The following PLXNA4 variants were observed in gnomAD, a reference collection of about 807,000 sequenced individuals.
PLXNA4 encodes the protein plexin A4.
PLXNA4 carries 44 observed loss-of-function variants against 191.8 expected under a neutral mutation model. The observed-to-expected ratio is 0.23, with a 90% CI of 0.18 to 0.29. PLXNA4 has a LOEUF of 0.29. PLXNA4 is among the 10% of genes least tolerant of loss of function. The pLI, the probability that PLXNA4 is intolerant of heterozygous loss-of-function variation, is 1.00. For missense variants in PLXNA4, 1,800 were observed against 2,488.8 expected (o/e 0.72, Z 5.89); for synonymous variants, 1,082 against 1,009.5 (o/e 1.07, Z -1.36).
At position 132,194,082 on chromosome 7, in the gene PLXNA4, A is replaced by C; in HGVS notation, c.2836T>G (p.Ser946Ala). 6.2e-7 allele frequency: 1 copy of C among 1,613,992 alleles called. No individual in the cohort carries two copies. The highest frequency in any genetic ancestry group is 8.5e-7 in the Non-Finnish European group (1 of 1,179,900). Residue 946 changes from serine (S) to alanine (A), a missense_variant, in exon 14 of 32, where the codon TCA (serine) becomes GCA (alanine). Transcript: ENST00000321063. ...VCRPEFMARS[S>A]QLYYFMTLTL... is the part of the protein sequence containing the mutation. ...CTCACCATGAAGTAATAGAGCTGTG[A>C]GGACCGGGCCATGAATTCAGGCCGA...
intron 3 of PLXNA4, among the ~76,000 whole-genome samples, chr7:132,380,040 C>T (rs983972313): frequency 1.3e-5 from 2 of 152,168 alleles, no homozygotes; most frequent in African/African-American, 2.4e-5. Context: ...GCAGGGCTCA[C>T]CACATTTTAT....
chr7:132,312,149 A>AAATAATAATAAT lies in PLXNA4; in HGVS notation c.1372-13939_1372-13928dup, dbSNP rs56273116. 7.3e-3 allele frequency among the ~76,000 whole-genome samples: 1,094 copies of AAATAATAATAAT among 149,536 alleles called. 4 individuals carry two copies. The highest frequency in any genetic ancestry group is 0.011 in the African/African-American group (438 of 40,250). On this transcript the variant is annotated intron_variant, in intron 3 of 31. Transcript: ENST00000321063. Reference sequence around the variant, plus strand: ...ACCAGAGCCAAAGTGCCTTGAAGGAAAATAATAATAATAATAATAATAATA... The same window carrying AAATAATAATAAT: ...ACCAGAGCCAAAGTGCCTTGAAGGAAAATAATAATAATAATAATAATAATAATAATAATAATA...
intron 4 of PLXNA4, among the ~76,000 whole-genome samples, chr7:132,290,792 T>C (rs368730614): frequency 4.6e-5 from 7 of 152,098 alleles, no homozygotes; most frequent in African/African-American, 1.7e-4. Context: ...CACTTAACAG[T>C]GCACACTCGT....
intron 3 of PLXNA4, among the ~76,000 whole-genome samples, chr7:132,442,655 G>A (rs1001920857): frequency 1.3e-5 from 2 of 152,158 alleles, no homozygotes; most frequent in African/African-American, 4.8e-5. Context: ...CCACTTAAGT[G>A]TGCTCTGTGC....
chr7:132,300,591 C>A (rs1256648679), intron 3 of PLXNA4, among the ~76,000 whole-genome samples: 1 of 152,190 alleles, frequency 6.6e-6, no homozygotes, highest in Non-Finnish European at 1.5e-5. Context: ...TGTGCCCACC[C>A]CAAGCCACCA....
At chr7:132,275,717 G>A (rs886759580) in intron 4 of PLXNA4, among the ~76,000 whole-genome samples, 7 of 152,170 alleles carry the variant, frequency 4.6e-5, no homozygotes, top group Admixed American at 3.9e-4. Context: ...ATGGAAATGA[G>A]TCGCCAGCAC....
intron 1 of PLXNA4, among the ~76,000 whole-genome samples, chr7:132,555,143 A>G (rs1298060676): frequency 6.6e-6 from 1 of 152,014 alleles, no homozygotes; most frequent in South Asian, 2.1e-4. Context: ...AAAATAACGT[A>G]TGTTTACATG....
chr7:132,363,852 G>C (rs1804047930), intron 3 of PLXNA4, among the ~76,000 whole-genome samples: 1 of 152,276 alleles, frequency 6.6e-6, no homozygotes, highest in African/African-American at 2.4e-5. Flanking sequence ...AAGAGATAAA[G>C]GTTGAAGAAA....
intron 25 of PLXNA4, among the ~76,000 whole-genome samples, chr7:132,153,082 G>A (rs1795692810): frequency 6.6e-6 from 1 of 152,206 alleles, no homozygotes; most frequent in Non-Finnish European, 1.5e-5. Context: ...GCAAGAGCCT[G>A]CTGGTCAGGG....
intron 3 of PLXNA4, among the ~76,000 whole-genome samples, chr7:132,307,249 T>C (rs1801559660): frequency 6.6e-6 from 1 of 152,160 alleles, no homozygotes; most frequent in Non-Finnish European, 1.5e-5. Context: ...TATTCCCTCC[T>C]GCCTCTCCCC....
chr7:132,155,620 C>T (rs940202680), intron 25 of PLXNA4, among the ~76,000 whole-genome samples: 4 of 152,142 alleles, frequency 2.6e-5, no homozygotes, highest in Non-Finnish European at 2.9e-5. Context: ...GACAGCCTCA[C>T]GTGTAGCAGG....
intron 3 of PLXNA4, among the ~76,000 whole-genome samples, chr7:132,342,487 C>A (rs1319365867): frequency 6.6e-6 from 1 of 151,864 alleles, no homozygotes; most frequent in Non-Finnish European, 1.5e-5. Context: ...TTTTAATAAA[C>A]CTGAAAGCAC....
At chr7:132,259,960 G>T (rs1799577429) in intron 4 of PLXNA4, among the ~76,000 whole-genome samples, 1 of 151,818 alleles carries the variant, frequency 6.6e-6, no homozygotes, top group South Asian at 2.1e-4. Flanking sequence ...GGTTCAATGA[G>T]ATATAATCTC....
At chr7:132,543,907 G>A (rs567984618) in intron 1 of PLXNA4, among the ~76,000 whole-genome samples, 2 of 152,346 alleles carry the variant, frequency 1.3e-5, no homozygotes, top group South Asian at 2.1e-4. Context: ...CTGAGCTAGG[G>A]CTATGGTGGT....
At chr7:132,319,833 C>T (rs1357888881) in intron 3 of PLXNA4, among the ~76,000 whole-genome samples, 1 of 152,260 alleles carries the variant, frequency 6.6e-6, no homozygotes, top group African/African-American at 2.4e-5. Flanking sequence ...CCGTGCACGG[C>T]AGTACCATGC....
At chr7:132,303,066 G>A (rs149317129) in intron 3 of PLXNA4, among the ~76,000 whole-genome samples, 3 of 151,410 alleles carry the variant, frequency 2.0e-5, no homozygotes, top group South Asian at 2.1e-4. Context: ...TAGTAGAGAC[G>A]GGGTTTCACC....
At chr7:132,372,369 C>G (rs769281085) in intron 3 of PLXNA4, among the ~76,000 whole-genome samples, 50 of 152,372 alleles carry the variant, frequency 3.3e-4, no homozygotes, top group South Asian at 6.2e-4. Flanking sequence ...AGATCACACA[C>G]GTGGCGTGGC....
At chr7:132,219,425 A>G (rs1288039769) in intron 9 of PLXNA4, among the ~76,000 whole-genome samples, 1 of 152,216 alleles carries the variant, frequency 6.6e-6, no homozygotes, top group Non-Finnish European at 1.5e-5. Context: ...GATGATGTAG[A>G]CCAAAGGCCT....
chr7:132,601,572 A>G (rs1802820752), intron 2 of PLXNA4, among the ~76,000 whole-genome samples: 1 of 152,202 alleles, frequency 6.6e-6, no homozygotes, highest in African/African-American at 2.4e-5. Flanking sequence ...TAAAATGGAT[A>G]AGGAGGTGAC....
Sources: allele counts gnomAD v4.1 joint callset (sites outside exome capture counted in the v4.1 genomes callset), GRCh38; gene constraint gnomAD v4.1.1; transcripts MANE v1.5; gene names NCBI Gene and HGNC (gene_info 2026-07-23, HGNC 2026-07-21).